Variants in RBPMS observed in about 807,000 individuals in gnomAD.
RBPMS encodes RNA-binding protein with multiple splicing.
In RBPMS, 7 loss-of-function variants were observed where a neutral mutation model predicts 26.8. The observed-to-expected ratio is 0.26, with a 90% CI of 0.15 to 0.49. The LOEUF is 0.49. Ranked by LOEUF, RBPMS falls within the 20% of genes least tolerant of loss-of-function variation. The pLI, the probability that RBPMS is intolerant of heterozygous loss-of-function variation, is 0.98. For missense variants in RBPMS, 186 were observed against 250.0 expected, an observed-to-expected ratio of 0.74 and a Z score of 1.73; for synonymous variants, 96 against 93.3, an observed-to-expected ratio of 1.03 and a Z score of -0.17.
chr8:30,539,445 T>A (rs1055909814), intron 5 of RBPMS, among the ~76,000 whole-genome samples: 1 of 152,142 alleles, frequency 6.6e-6, no homozygotes, highest in South Asian at 2.1e-4. Flanking sequence ...TTATAAGTTA[T>A]CTGTGAGACC....
chr8:30,561,449 A>T (rs978818329), intron 7 of RBPMS, among the ~76,000 whole-genome samples: 1 of 152,308 alleles, frequency 6.6e-6, no homozygotes, highest in South Asian at 2.1e-4. Context: ...CCATTGTCAG[A>T]GGCTGGTAGG....
intron 1 of RBPMS, among the ~76,000 whole-genome samples, chr8:30,434,905 G>T (rs184221593): frequency 2.0e-5 from 3 of 152,092 alleles, no homozygotes; most frequent in Admixed American, 2.0e-4. Flanking sequence ...AGACATCATT[G>T]TCCTCAGGAA....
At chr8:30,469,090 G>T (rs1471842287) in intron 1 of RBPMS, among the ~76,000 whole-genome samples, 2 of 152,228 alleles carry the variant, frequency 1.3e-5, no homozygotes, top group African/African-American at 4.8e-5. Context: ...GTGTTTACCA[G>T]ATGTGGCTGC....
chr8:30,502,139 CTT>C (rs34541775), intron 4 of RBPMS, among the ~76,000 whole-genome samples: 5 of 132,088 alleles, frequency 3.8e-5, no homozygotes, highest in African/African-American at 2.9e-5. Flanking sequence ...AACTTCTGAG[CTT>C]TTTTTTTTTT....
chr8:30,541,705 C>A (rs899333519), intron 5 of RBPMS, among the ~76,000 whole-genome samples: 3 of 152,152 alleles, frequency 2.0e-5, no homozygotes. Context: ...CTTTTTTCAG[C>A]CTTCCATCCT....
At chr8:30,435,899 T>A (rs1228236479) in intron 1 of RBPMS, among the ~76,000 whole-genome samples, 1 of 152,208 alleles carries the variant, frequency 6.6e-6, no homozygotes, top group African/African-American at 2.4e-5. Context: ...TCCAAACTCC[T>A]GGCCTCAGGT....
At chr8:30,569,601 A>AG (rs1248040943) in intron 8 of RBPMS, among the ~76,000 whole-genome samples, 1 of 152,206 alleles carries the variant, frequency 6.6e-6, no homozygotes, top group Non-Finnish European at 1.5e-5. Context: ...AAAGATGAGC[A>AG]GGGGTGGAGA....
chr8:30,423,217 TC>T (rs1293613319), intron 1 of RBPMS, among the ~76,000 whole-genome samples: 1 of 152,230 alleles, frequency 6.6e-6, no homozygotes, highest in African/African-American at 2.4e-5. Context: ...GTACCAGGGC[TC>T]TTTTTATTCT....
At chr8:30,565,605 C>G (rs1292622394) in intron 7 of RBPMS, 1 of 152,242 alleles carries the variant, frequency 6.6e-6, no homozygotes, top group Non-Finnish European at 1.5e-5. Context: ...TTTGCTAGGT[C>G]TTTGCACCTT....
At chr8:30,515,889 TCCTCCCACCTCAG>T (rs540166617) in intron 5 of RBPMS, among the ~76,000 whole-genome samples, 122 of 152,218 alleles carry the variant, frequency 8.0e-4, no homozygotes, top group Non-Finnish European at 1.4e-3. Flanking sequence ...GCTCAAGCAA[TCCTCCCACCTCAG>T]CCTCCCAAAG....
At chr8:30,458,299 A>T (rs115089517) in intron 1 of RBPMS, among the ~76,000 whole-genome samples, 10 of 152,338 alleles carry the variant, frequency 6.6e-5, no homozygotes, top group African/African-American at 2.2e-4. Flanking sequence ...TTTAACAAAA[A>T]AACCTTGGGT....
At chr8:30,501,700 A>G (rs1820576114) in intron 4 of RBPMS, among the ~76,000 whole-genome samples, 1 of 152,234 alleles carries the variant, frequency 6.6e-6, no homozygotes, top group Admixed American at 6.5e-5. Context: ...CATTGTGAGA[A>G]GAACGGTGAA....
At chr8:30,508,636 T>C (rs1240824055) in intron 5 of RBPMS, among the ~76,000 whole-genome samples, 1 of 152,070 alleles carries the variant, frequency 6.6e-6, no homozygotes, top group Non-Finnish European at 1.5e-5. Context: ...TTTTTTTTGG[T>C]AACATACCAT....
At chr8:30,507,183 A>G (rs939494943) in intron 5 of RBPMS, among the ~76,000 whole-genome samples, 1 of 152,220 alleles carries the variant, frequency 6.6e-6, no homozygotes, top group Non-Finnish European at 1.5e-5. Flanking sequence ...AGGCTAGAAG[A>G]TGTCACTGAG....
intron 1 of RBPMS, among the ~76,000 whole-genome samples, chr8:30,410,188 A>T (rs1010421153): frequency 6.9e-6 from 1 of 144,192 alleles, no homozygotes; most frequent in Admixed American, 6.8e-5. Flanking sequence ...ACACACACAC[A>T]CACTTAACTG....
chr8:30,460,417 AAC>A (rs900732974), intron 1 of RBPMS, among the ~76,000 whole-genome samples: 3 of 152,204 alleles, frequency 2.0e-5, no homozygotes, highest in African/African-American at 7.2e-5. Flanking sequence ...TTTCTGTAGA[AAC>A]AGTTTTAGAA....
intron 7 of RBPMS, chr8:30,565,588 C>G (rs1348797798): frequency 2.6e-5 from 4 of 152,246 alleles, no homozygotes; most frequent in Admixed American, 1.3e-4. Context: ...GTATTAGAAA[C>G]TGATTCTTTG....
At chr8:30,494,911 G>C (rs1414966735) in intron 4 of RBPMS, among the ~76,000 whole-genome samples, 1 of 152,138 alleles carries the variant, frequency 6.6e-6, no homozygotes, top group East Asian at 1.9e-4. Context: ...ATAGGAATTT[G>C]GCTTAGTGGT....
chr8:30,441,781 T>C (rs1259302344), intron 1 of RBPMS, among the ~76,000 whole-genome samples: 2 of 152,202 alleles, frequency 1.3e-5, no homozygotes, highest in Non-Finnish European at 2.9e-5. Flanking sequence ...TCGTGGATTC[T>C]CTTAATACCA....
Sources: gnomAD v4.1 joint callset for allele counts (sites outside exome capture counted in the v4.1 genomes callset) on GRCh38, gnomAD v4.1.1 for gene constraint, MANE v1.5 for transcripts, NCBI Gene and HGNC (gene_info 2026-07-23, HGNC 2026-07-21) for gene names.